The following EIF3H variants were observed in gnomAD, a reference collection of about 807,000 sequenced individuals.
EIF3H encodes the protein eukaryotic translation initiation factor 3 subunit H.
A neutral mutation model predicts 44.2 loss-of-function variants in EIF3H; 26 were observed. The observed-to-expected ratio is 0.59, with a 90% CI of 0.43 to 0.82. The LOEUF is 0.82. Among genes scored for constraint, EIF3H ranks in the 40% least tolerant of loss-of-function variants. The probability of loss-of-function intolerance (pLI) is 0.00; values close to 1 mark genes in which losing one functional copy is unlikely to be tolerated. For synonymous variants in EIF3H, 166 were observed against 151.9 expected, an observed-to-expected ratio of 1.09 and a Z score of -0.68; for missense variants, 359 against 432.8, an observed-to-expected ratio of 0.83 and a Z score of 1.51.
intron 2 of EIF3H, among the ~76,000 whole-genome samples, chr8:116,698,732 T>G (rs1814314859): frequency 6.6e-6 from 1 of 152,252 alleles, no homozygotes; most frequent in African/African-American, 2.4e-5. Context: ...AATCTCTTTC[T>G]GCAACTTAAT....
intron 1 of EIF3H, among the ~76,000 whole-genome samples, chr8:116,726,737 T>C (rs1814848064): frequency 6.6e-6 from 1 of 152,190 alleles, no homozygotes; most frequent in Non-Finnish European, 1.5e-5. Flanking sequence ...TGATCTAGTT[T>C]TCCTCAACCA....
intron 5 of EIF3H, among the ~76,000 whole-genome samples, chr8:116,649,432 T>G (rs1813355157): frequency 6.6e-6 from 1 of 152,182 alleles, no homozygotes; most frequent in Non-Finnish European, 1.5e-5. Flanking sequence ...TCCTCTTACC[T>G]TTCCTAGAAT....
chr8:116,651,692 T>C (rs950300491), intron 5 of EIF3H, among the ~76,000 whole-genome samples: 3 of 152,234 alleles, frequency 2.0e-5, no homozygotes, highest in Non-Finnish European at 2.9e-5. Flanking sequence ...ACATTTCTTC[T>C]TCTCTGGATA....
At chr8:116,658,460 G>A (rs981534513) in intron 3 of EIF3H, 19 of 173,856 alleles carry the variant, frequency 1.1e-4, no homozygotes, top group African/African-American at 1.7e-4. Flanking sequence ...TTGGCACACC[G>A]TATTATGATT....
At chr8:116,692,945 C>A (rs921071991) in intron 2 of EIF3H, among the ~76,000 whole-genome samples, 11 of 152,062 alleles carry the variant, frequency 7.2e-5, no homozygotes, top group African/African-American at 2.7e-4. Flanking sequence ...TGTATCAATA[C>A]CATACTTCCT....
chr8:116,661,266 G>A (rs1386286378), intron 2 of EIF3H, among the ~76,000 whole-genome samples: 2 of 152,206 alleles, frequency 1.3e-5, no homozygotes, highest in East Asian at 3.8e-4. Flanking sequence ...TAAAGGGAAA[G>A]GGAAGAGGAG....
At chr8:116,737,044 C>T (rs917452538) in intron 1 of EIF3H, among the ~76,000 whole-genome samples, 5 of 152,084 alleles carry the variant, frequency 3.3e-5, no homozygotes, top group Non-Finnish European at 7.4e-5. Flanking sequence ...AGCCTGTTTA[C>T]GTAAAACAAA....
chr8:116,744,292 T>C (rs1230724503), intron 1 of EIF3H, among the ~76,000 whole-genome samples: 2 of 151,890 alleles, frequency 1.3e-5, no homozygotes, highest in Non-Finnish European at 2.9e-5. Flanking sequence ...TAGGTACTAT[T>C]TTGGAGGCAA....
chr8:116,701,815 T>C (rs527343036), intron 2 of EIF3H, among the ~76,000 whole-genome samples: 2 of 152,086 alleles, frequency 1.3e-5, no homozygotes, highest in Admixed American at 1.3e-4. Context: ...TACAATGAAA[T>C]CCAACATGGC....
intron 1 of EIF3H, among the ~76,000 whole-genome samples, chr8:116,765,000 C>G (rs924468179): frequency 6.6e-6 from 1 of 152,124 alleles, no homozygotes; most frequent in South Asian, 2.1e-4. Flanking sequence ...TAGTGCTGCA[C>G]CACATTTTTC....
chr8:116,654,484 T>C (rs1438859243), intron 5 of EIF3H, among the ~76,000 whole-genome samples: 1 of 152,206 alleles, frequency 6.6e-6, no homozygotes, highest in African/African-American at 2.4e-5. Context: ...AAAAGTATTA[T>C]ATAACTATAT....
At chr8:116,700,522 G>A (rs114133979) in intron 2 of EIF3H, among the ~76,000 whole-genome samples, 1,790 of 151,930 alleles carry the variant, frequency 0.012, 35 homozygotes, top group African/African-American at 0.04. Flanking sequence ...AAGATGGAAC[G>A]TCTCTGTCCT....
intron 2 of EIF3H, among the ~76,000 whole-genome samples, chr8:116,662,574 G>A (rs1813601587): frequency 6.6e-6 from 1 of 152,164 alleles, no homozygotes; most frequent in Admixed American, 6.5e-5. Context: ...TAGACTTTCA[G>A]GTCTGTGTCC....
In EIF3H at chr8:116,729,529, C is replaced by T. The variant is rs567704766; in HGVS notation, c.133-3357G>A. Reference sequence around the variant, plus strand: ...AATTTTATGTAGTATCAATAGAATACAGCGCTCCAAGTAAAAGAAATAATT... The same window carrying T: ...AATTTTATGTAGTATCAATAGAATATAGCGCTCCAAGTAAAAGAAATAATT... On this transcript the variant is annotated intron_variant, in intron 1 of 7. Transcript: ENST00000521861. Among the ~76,000 whole-genome samples, 3 of 152,264 alleles carry T rather than the reference C, an allele frequency of 2.0e-5. No homozygotes were observed. In the East Asian group the frequency reaches 5.8e-4, roughly 29 times the overall value.
intron 2 of EIF3H, among the ~76,000 whole-genome samples, chr8:116,717,153 C>T (rs1814671819): frequency 6.6e-6 from 1 of 151,988 alleles, no homozygotes; most frequent in Non-Finnish European, 1.5e-5. Context: ...CTGGTGACTA[C>T]ATTTTAATGC....
chr8:116,674,353 C>T (rs931245411), intron 2 of EIF3H, among the ~76,000 whole-genome samples: 3 of 150,874 alleles, frequency 2.0e-5, no homozygotes, highest in Non-Finnish European at 4.4e-5. Context: ...GATTCTAAAG[C>T]AGATAAAGCT....
At chr8:116,697,126 A>C (rs548862923) in intron 2 of EIF3H, 2 of 456,244 alleles carry the variant, frequency 4.4e-6, no homozygotes, top group East Asian at 1.4e-4. Context: ...TCACTCTCTT[A>C]GTGTCCAACC....
intron 2 of EIF3H, among the ~76,000 whole-genome samples, chr8:116,673,794 G>A (rs1026720862): frequency 2.0e-5 from 3 of 152,040 alleles, no homozygotes; most frequent in Non-Finnish European, 2.9e-5. Flanking sequence ...TACTTGGGCC[G>A]GGCATGGTGA....
At chr8:116,712,393 A>G (rs1814588345) in intron 2 of EIF3H, among the ~76,000 whole-genome samples, 1 of 152,226 alleles carries the variant, frequency 6.6e-6, no homozygotes, top group Non-Finnish European at 1.5e-5. Context: ...CAATGTCTGT[A>G]GGTTAGATGT....
Sources: allele counts gnomAD v4.1 joint callset (sites outside exome capture counted in the v4.1 genomes callset), GRCh38; gene constraint gnomAD v4.1.1; transcripts MANE v1.5; gene names NCBI Gene and HGNC (gene_info 2026-07-23, HGNC 2026-07-21).